PLEKHM3: variants seen among roughly 807,000 people sequenced by gnomAD.
PLEKHM3 encodes pleckstrin homology domain-containing family M member 3.
Under a neutral mutation model 81.8 loss-of-function variants are expected in PLEKHM3, and 45 were observed. That is an observed-to-expected ratio of 0.55 (90% confidence interval 0.43 to 0.71). The LOEUF is 0.71. Among genes scored for constraint, PLEKHM3 ranks in the 30% least tolerant of loss-of-function variants. The probability of loss-of-function intolerance (pLI) is 0.00; values close to 1 mark genes in which losing one functional copy is unlikely to be tolerated. For missense variants in PLEKHM3, 788 were observed against 924.3 expected, an observed-to-expected ratio of 0.85 and a Z score of 1.91; for synonymous variants, 352 against 356.4, an observed-to-expected ratio of 0.99 and a Z score of 0.14.
chr2:208,020,767 T>C (rs934219620), intron 1 of PLEKHM3, among the ~76,000 whole-genome samples: 2 of 152,212 alleles, frequency 1.3e-5, no homozygotes, highest in African/African-American at 2.4e-5. Flanking sequence ...GGGTTAACAT[T>C]TGCTGAAGCA....
chr2:208,001,593 G>A lies in PLEKHM3; in HGVS notation c.47C>T (p.Thr16Met), dbSNP rs777343136. 23 of 1,613,920 alleles carry A rather than the reference G, an allele frequency of 1.4e-5. No individual in the cohort carries two copies. The highest frequency in any genetic ancestry group is 6.7e-5 in the African/African-American group (5 of 74,908). The change falls in exon 2 of 8, where the codon ACG becomes ATG. Residue 16 changes from threonine (T) to methionine (M), a missense_variant. Physicochemically the swap from Thr to Met is moderately conservative, Grantham distance 81. Coordinates refer to ENST00000427836, the MANE Select transcript of PLEKHM3 (RefSeq NM_001080475.3). ...ATCCAAAGTACTAAAGAATTCCTCC[G>A]TAACTTCTAAGGCTGGGCTGATATC... ...VDDISPALEV[T>M]EEFFSTLDSN...
intron 6 of PLEKHM3, among the ~76,000 whole-genome samples, chr2:207,883,747 A>G (rs1687785087): frequency 6.6e-6 from 1 of 152,154 alleles, no homozygotes; most frequent in Non-Finnish European, 1.5e-5. Flanking sequence ...TGAACAAAAA[A>G]CTAGAGAAAA....
At chr2:207,970,268 T>A (rs1691069097) in intron 3 of PLEKHM3, among the ~76,000 whole-genome samples, 1 of 148,796 alleles carries the variant, frequency 6.7e-6, no homozygotes, top group Admixed American at 6.7e-5. Flanking sequence ...TAGAGTGCAA[T>A]TCAAACAAAA....
chr2:207,837,555 G>A (rs183236643), intron 7 of PLEKHM3, among the ~76,000 whole-genome samples: 59 of 150,842 alleles, frequency 3.9e-4, no homozygotes, highest in Admixed American at 3.7e-3. Flanking sequence ...AGCTGAGATC[G>A]CACCACTGCA....
At chr2:207,886,299 A>G (rs1003439263) in intron 6 of PLEKHM3, among the ~76,000 whole-genome samples, 1 of 152,176 alleles carries the variant, frequency 6.6e-6, no homozygotes, top group Non-Finnish European at 1.5e-5. Flanking sequence ...TTCCAACAAG[A>G]AGGAGAAAGA....
intron 6 of PLEKHM3, among the ~76,000 whole-genome samples, chr2:207,889,284 T>C (rs940166719): frequency 2.6e-5 from 4 of 152,044 alleles, no homozygotes; most frequent in Admixed American, 6.6e-5. Flanking sequence ...AGGAAAATGA[T>C]TGCAGTCAAC....
chr2:207,911,128 G>C (rs1218745439), intron 5 of PLEKHM3, among the ~76,000 whole-genome samples: 1 of 152,146 alleles, frequency 6.6e-6, no homozygotes, highest in Non-Finnish European at 1.5e-5. Context: ...TGGGAGCACA[G>C]AGCAGACAGC....
chr2:207,833,019 C>T (rs924466825), intron 7 of PLEKHM3, among the ~76,000 whole-genome samples: 6 of 145,810 alleles, frequency 4.1e-5, no homozygotes, highest in Admixed American at 7.2e-5. Flanking sequence ...GGCTAAGGCA[C>T]GAGAATCGCT....
intron 3 of PLEKHM3, among the ~76,000 whole-genome samples, chr2:207,975,576 T>A (rs1691276904): frequency 1.4e-5 from 2 of 145,120 alleles, no homozygotes; most frequent in South Asian, 4.3e-4. Context: ...AGTGAGGTTT[T>A]AAAAGCTTTT....
Position 207,908,522 on chromosome 2 carries a change from G to C in PLEKHM3, c.1942C>G (p.Leu648Val). The C allele has an allele frequency of 6.2e-7, 1 of 1,611,376 alleles. No homozygotes were observed. The highest frequency in any genetic ancestry group is 8.5e-7 in the Non-Finnish European group (1 of 1,179,182). ...CCCCTCTGAGCACTTACCTGCTGCA[G>C]GTCGGCAAGTGAATACAGGTGGATC... ...QQIHLYSLAD[L>V]QQVIEGKLAP... Residue 648 changes from leucine to valine, a missense_variant, in exon 6 of 8, where the codon CTG becomes GTG. Coordinates refer to ENST00000427836, the MANE Select transcript of PLEKHM3 (RefSeq NM_001080475.3).
At chr2:208,005,340 C>A (rs1041647388) in intron 1 of PLEKHM3, among the ~76,000 whole-genome samples, 1 of 152,146 alleles carries the variant, frequency 6.6e-6, no homozygotes. Flanking sequence ...GGATCCTATA[C>A]AGGATACCAC....
chr2:207,825,119 G>A lies in PLEKHM3; in HGVS notation c.*3200C>T, dbSNP rs999270443. ...TTTTAACTTTGGAAAAAGCGGGCCT[G>A]GAAAGAACACTACCCCCATTCCAGT... On this transcript the variant is annotated 3_prime_UTR_variant, in exon 8 of 8. Transcript: ENST00000427836. 9 of 152,260 alleles carry A rather than the reference G, an allele frequency of 5.9e-5. No homozygotes were observed. The highest frequency in any genetic ancestry group is 3.4e-3 in the Middle Eastern group (1 of 294). The allele number at this position is 152,260 out of a possible 1,614,324, so 9.4% of individuals were successfully genotyped here.
intron 4 of PLEKHM3, among the ~76,000 whole-genome samples, chr2:207,943,651 G>A (rs1224757686): frequency 6.6e-6 from 1 of 151,812 alleles, no homozygotes; most frequent in Non-Finnish European, 1.5e-5. Context: ...GGCGGATCAC[G>A]AGGTCAGGAG....
chr2:207,839,926 C>CTAAATAAA (rs1033567160), intron 7 of PLEKHM3, among the ~76,000 whole-genome samples: 1 of 152,150 alleles, frequency 6.6e-6, no homozygotes, highest in Admixed American at 6.5e-5. Context: ...GACCCTGTCT[C>CTAAATAAA]TAAATAAATA....
intron 7 of PLEKHM3, among the ~76,000 whole-genome samples, chr2:207,845,745 ACTCT>A (rs1466184899): frequency 6.6e-6 from 1 of 152,120 alleles, no homozygotes; most frequent in African/African-American, 2.4e-5. Flanking sequence ...AATAAAGCAA[ACTCT>A]CTATTCATTC....
rs956785175 is a variant in PLEKHM3 at position 207,843,472 on chromosome 2, G to A, written c.2109-14976C>T. ...ATATCTTAAATGTGCTTTCAGGGAA[G>A]CCAGAGGAAGGGAAAAGTCATTTTG... On this transcript the variant is annotated intron_variant, in intron 7 of 7. Transcript: ENST00000427836. This position sits in a 1 kb window ranked among gnomAD's most constrained non-coding sequence, Gnocchi z 4.4. Among the ~76,000 whole-genome samples, 1 of 152,142 alleles carries A rather than the reference G, an allele frequency of 6.6e-6. No individual in the cohort carries two copies. The highest frequency in any genetic ancestry group is 1.5e-5 in the Non-Finnish European group (1 of 68,014).
At chr2:208,024,096 T>A (rs1693222674) in intron 1 of PLEKHM3, among the ~76,000 whole-genome samples, 1 of 150,384 alleles carries the variant, frequency 6.6e-6, no homozygotes, top group Non-Finnish European at 1.5e-5. Flanking sequence ...TGAGCCATGA[T>A]CACGCCACTG....
intron 2 of PLEKHM3, among the ~76,000 whole-genome samples, chr2:207,981,198 T>A (rs1417519850): frequency 6.6e-6 from 1 of 152,064 alleles, no homozygotes; most frequent in Non-Finnish European, 1.5e-5. Context: ...GGAAGCTATT[T>A]TCTGGAGTAT....
chr2:207,958,778 C>A (rs900957527), intron 3 of PLEKHM3, among the ~76,000 whole-genome samples: 3 of 152,124 alleles, frequency 2.0e-5, no homozygotes, highest in African/African-American at 4.8e-5. Flanking sequence ...GGCATGGTGG[C>A]ACACGCCTAT....
Sources: gnomAD v4.1 joint callset for allele counts (sites outside exome capture counted in the v4.1 genomes callset) on GRCh38, gnomAD v4.1.1 for gene constraint, Gnocchi (gnomAD v3.1) non-coding constraint, MANE v1.5 for transcripts, NCBI Gene and HGNC (gene_info 2026-07-23, HGNC 2026-07-21) for gene names.